The following SLC25A30 variants were observed in gnomAD, a reference collection of about 807,000 sequenced individuals.
The protein encoded by SLC25A30 is solute carrier family 25 member 30, also known as kidney mitochondrial carrier protein 1.
SLC25A30 carries 29 observed loss-of-function variants against 42.7 expected under a neutral mutation model. The observed-to-expected ratio is 0.68, with a 90% CI of 0.51 to 0.93. The LOEUF is 0.93. SLC25A30 is among the 40% of genes least tolerant of loss of function. The probability of loss-of-function intolerance (pLI) is 0.00; values close to 1 mark genes in which losing one functional copy is unlikely to be tolerated. For synonymous variants in SLC25A30, 124 were observed against 131.0 expected, an observed-to-expected ratio of 0.95 and a Z score of 0.37; for missense variants, 300 against 359.7, an observed-to-expected ratio of 0.83 and a Z score of 1.34.
At chr13:45,403,323 G>C (rs2137649118) in intron 5 of SLC25A30, among the ~76,000 whole-genome samples, 1 of 152,246 alleles carries the variant, frequency 6.6e-6, no homozygotes, top group South Asian at 2.1e-4. Flanking sequence ...TTAGATTGAA[G>C]GCTCTCTGAG....
At chr13:45,410,189 T>C (rs894540869) in intron 2 of SLC25A30, among the ~76,000 whole-genome samples, 1 of 152,120 alleles carries the variant, frequency 6.6e-6, no homozygotes, top group Non-Finnish European at 1.5e-5. Flanking sequence ...ACCCAACCGA[T>C]GAGGAAGTCA....
chr13:45,424,510 T>C, the SLC25A30 span, among the ~76,000 whole-genome samples: 8 of 38,062 alleles, frequency 2.1e-4, 2 homozygotes, highest in African/African-American at 1.0e-3. Context: ...TATAAAAATA[T>C]ATATAAATAT....
the SLC25A30 span, among the ~76,000 whole-genome samples, chr13:45,429,452 G>A: frequency 2.0e-5 from 3 of 151,970 alleles, no homozygotes; most frequent in South Asian, 4.2e-4. Flanking sequence ...CAGAACTAAG[G>A]AAGAAACTGA....
upstream of SLC25A30, among the ~76,000 whole-genome samples, chr13:45,419,148 AAAAG>A (rs1302891800): frequency 6.7e-4 from 98 of 145,826 alleles, no homozygotes; most frequent in Non-Finnish European, 1.4e-3. Flanking sequence ...AAAAAAAAAA[AAAAG>A]AAAGAAAATG....
At chr13:45,419,292 T>G (rs1031894311), upstream of SLC25A30, among the ~76,000 whole-genome samples, 23 of 151,446 alleles carry the variant, frequency 1.5e-4, no homozygotes, top group African/African-American at 5.6e-4. Context: ...TGGCAGTGTT[T>G]GTGTTCAAGC....
intron 6 of SLC25A30, 71 bp from the exon 7 acceptor site, chr13:45,401,278 A>C: frequency 6.7e-7 from 1 of 1,499,998 alleles, no homozygotes; most frequent in Non-Finnish European, 9.2e-7. Context: ...AAATGTGCAA[A>C]GGTTCTAATC....
At chr13:45,425,604 AT>A in the SLC25A30 span, among the ~76,000 whole-genome samples, 2 of 67,910 alleles carry the variant, frequency 2.9e-5, no homozygotes, top group African/African-American at 1.5e-4. Flanking sequence ...ATACATATAT[AT>A]ATACATATAT....
chr13:45,427,036 G>A, the SLC25A30 span, among the ~76,000 whole-genome samples: 1 of 152,032 alleles, frequency 6.6e-6, no homozygotes. Context: ...TACCAGCTCA[G>A]ATGAGCTTGG....
At chr13:45,404,237 G>T in intron 5 of SLC25A30, 90 bp downstream of exon 5, 1 of 898,414 alleles carries the variant, frequency 1.1e-6, no homozygotes, top group Admixed American at 1.8e-5. Context: ...CATATACACA[G>T]ATGTTACATT....
At chr13:45,433,122 C>A in the SLC25A30 span, among the ~76,000 whole-genome samples, 1 of 151,718 alleles carries the variant, frequency 6.6e-6, no homozygotes, top group Admixed American at 6.6e-5. Context: ...ATATTTCACT[C>A]TCTAACTTTC....
At chr13:45,423,332 T>A (rs1473143601), upstream of SLC25A30, among the ~76,000 whole-genome samples, 1 of 151,462 alleles carries the variant, frequency 6.6e-6, no homozygotes, top group Non-Finnish European at 1.5e-5. Flanking sequence ...GCAGGGAAAC[T>A]CATGTGAAGT....
At chr13:45,409,133 G>A (rs927387626) in intron 2 of SLC25A30, 59 bp from the exon 3 acceptor site, 140 of 1,322,046 alleles carry the variant, frequency 1.1e-4, no homozygotes, top group South Asian at 3.8e-4. Flanking sequence ...TAAAGGATAC[G>A]TAGTGATATA....
upstream of SLC25A30, among the ~76,000 whole-genome samples, chr13:45,421,270 T>C (rs1313313865): frequency 6.6e-6 from 1 of 150,998 alleles, no homozygotes; most frequent in Non-Finnish European, 1.5e-5. Context: ...TTCCAGCTGC[T>C]TGGGAGGCTA....
chr13:45,415,649 G>A (rs1352967758), intron 1 of SLC25A30, among the ~76,000 whole-genome samples: 4 of 150,890 alleles, frequency 2.7e-5, no homozygotes, highest in Non-Finnish European at 5.9e-5. Flanking sequence ...TACTCGGGAC[G>A]CTGAGGCAGG....
the SLC25A30 span, among the ~76,000 whole-genome samples, chr13:45,425,615 TAA>T: frequency 0.015 from 1,548 of 101,842 alleles, 153 homozygotes; most frequent in African/African-American, 0.048. Flanking sequence ...TATACATATA[TAA>T]ATATATATAT....
chr13:45,428,544 A>G, the SLC25A30 span, among the ~76,000 whole-genome samples: 1 of 58,084 alleles, frequency 1.7e-5, no homozygotes, highest in Non-Finnish European at 3.4e-5. Flanking sequence ...TTTTTTTGAG[A>G]CGGAGTCCAG....
At chr13:45,424,448 A>AATATATATAAATATATATAAAT in the SLC25A30 span, among the ~76,000 whole-genome samples, 18 of 47,992 alleles carry the variant, frequency 3.8e-4, no homozygotes, top group African/African-American at 1.8e-3. Flanking sequence ...AATATATAAA[A>AATATATATAAATATATATAAAT]ATATATAAAC....
At chr13:45,423,493 C>G in the SLC25A30 span, among the ~76,000 whole-genome samples, 1 of 126,224 alleles carries the variant, frequency 7.9e-6, no homozygotes, top group Non-Finnish European at 1.6e-5. Flanking sequence ...CGGTATAGCC[C>G]CAGAATTAAG....
At position 45,393,809 on chromosome 13, in the gene SLC25A30, A is replaced by G. The variant is rs1467193613; in HGVS notation, c.*2165T>C. On this transcript the variant is annotated 3_prime_UTR_variant, in exon 10 of 10. Transcript: ENST00000519676. The stretch of plus-strand genomic sequence containing the variant: ...AAGAAATACTATGCTTTTATCTTAA[A>G]TCGTGCTTAAGTTTTACCATGAGGT... 2.0e-6 allele frequency: 2 copies of G among 985,314 alleles called. No individual in the cohort carries two copies. Among genetic ancestry groups the G allele is most frequent in the South Asian group, 9.4e-5 (2 of 21,294 alleles). The allele number at this position is 985,314 out of a possible 1,614,324, so 61.0% of individuals were successfully genotyped here.
Sources: gnomAD v4.1 joint callset for allele counts (sites outside exome capture counted in the v4.1 genomes callset) on GRCh38, gnomAD v4.1.1 for gene constraint, MANE v1.5 for transcripts, NCBI Gene and HGNC (gene_info 2026-07-23, HGNC 2026-07-21) for gene names.